The following NUCB2 variants were observed in gnomAD, a reference collection of about 807,000 sequenced individuals.
The protein encoded by NUCB2 is nucleobindin-2.
In NUCB2, 48 loss-of-function variants were observed where a neutral mutation model predicts 57.9. That is an observed-to-expected ratio of 0.83 (90% CI 0.66 to 1.05). The LOEUF (loss-of-function observed/expected upper bound fraction) is 1.05, where lower values mean the gene tolerates loss of function less well. Among genes scored for constraint, NUCB2 ranks in the 50% least tolerant of loss-of-function variants. The probability of loss-of-function intolerance (pLI) is 0.00; values close to 1 mark genes in which losing one functional copy is unlikely to be tolerated. For missense variants in NUCB2, 442 were observed against 476.2 expected (o/e 0.93, Z 0.67); for synonymous variants, 139 against 152.1 (o/e 0.91, Z 0.64).
chr11:17,348,332 T>G (rs11024261), intron 2 of NUCB2, among the ~76,000 whole-genome samples: 2,075 of 70,966 alleles, frequency 0.029, 13 homozygotes, highest in East Asian at 0.068. Context: ...TTTTTTTTTT[T>G]TTTTTTTTTT....
rs1199821850 is a variant in NUCB2 at position 17,330,028 on chromosome 11, A to T, written c.1003-99A>T. 5 of 607,288 alleles carry T rather than the reference A, an allele frequency of 8.2e-6. No homozygotes were observed. In the African/African-American group the frequency reaches 9.2e-5, roughly 11 times the overall value. 37.6% of individuals were successfully genotyped at this position (607,288 alleles called of 1,614,324 possible). ...TACCTCCAAAGGCGTAATCCTATAG[A>T]TACTCTTTTATACTTTGCTAACCAT... On this transcript the variant is annotated intron_variant, in intron 11 of 13. Transcript: ENST00000529010. This position sits in a 1 kb window ranked among gnomAD's most constrained non-coding sequence, Gnocchi z 4.3.
chr11:17,346,204 T>C (rs1445307667), intron 2 of NUCB2, among the ~76,000 whole-genome samples: 1 of 152,186 alleles, frequency 6.6e-6, no homozygotes, highest in Non-Finnish European at 1.5e-5. Context: ...GGCTAGTAAG[T>C]GGTTATCCAC....
chr11:17,304,197 A>ATTTT (rs111938370), intron 5 of NUCB2, among the ~76,000 whole-genome samples: 1 of 146,188 alleles, frequency 6.8e-6, no homozygotes, highest in African/African-American at 2.5e-5. Context: ...TTTAATTTTA[A>ATTTT]TTTTTTTTTT....
intron 5 of NUCB2, among the ~76,000 whole-genome samples, chr11:17,303,618 C>T (rs1199240613): frequency 1.3e-5 from 2 of 152,216 alleles, no homozygotes; most frequent in Non-Finnish European, 2.9e-5. Context: ...GGCATGATGG[C>T]TCACGCCTGT....
At chr11:17,292,954 C>T (rs1240724936) in intron 2 of NUCB2, among the ~76,000 whole-genome samples, 1 of 152,110 alleles carries the variant, frequency 6.6e-6, no homozygotes, top group Non-Finnish European at 1.5e-5. Context: ...GACTTTGTCA[C>T]TTCAAGATGT....
At chr11:17,337,498 A>G (rs1951913477) in exon 2 of NUCB2, 1 of 152,186 alleles carries the variant, frequency 6.6e-6, no homozygotes, top group African/African-American at 2.4e-5. Context: ...TAATACTTTT[A>G]AAATTCATTT....
chr11:17,305,673 G>A (rs1947510427), intron 5 of NUCB2, among the ~76,000 whole-genome samples: 1 of 151,888 alleles, frequency 6.6e-6, no homozygotes, highest in Non-Finnish European at 1.5e-5. Context: ...CCAGGTTGGA[G>A]TACAGTGATG....
chr11:17,302,738 ATTT>A (rs374768656), intron 5 of NUCB2, among the ~76,000 whole-genome samples: 1 of 137,524 alleles, frequency 7.3e-6, no homozygotes. Flanking sequence ...TGCCCTGCTA[ATTT>A]TTTTTTTTTT....
chr11:17,339,002 T>C (rs1165989758), intron 2 of NUCB2, among the ~76,000 whole-genome samples: 1 of 150,824 alleles, frequency 6.6e-6, no homozygotes, highest in Non-Finnish European at 1.5e-5. Context: ...ATTTATTTAT[T>C]TTTGAGATGG....
intron 10 of NUCB2, among the ~76,000 whole-genome samples, chr11:17,314,711 A>C (rs1197738442): frequency 2.0e-5 from 3 of 152,210 alleles, no homozygotes; most frequent in Non-Finnish European, 4.4e-5. Context: ...CATCATATGC[A>C]GGGTAACTGA....
intron 2 of NUCB2, among the ~76,000 whole-genome samples, chr11:17,287,118 A>G (rs141447263): frequency 6.6e-6 from 1 of 152,232 alleles, no homozygotes; most frequent in African/African-American, 2.4e-5. Context: ...TAGGATAAAT[A>G]GAAAGCCCTA....
rs74495327 is a variant in NUCB2 at position 17,284,911 on chromosome 11, T to A, written c.-1+1968T>A. 9.9e-3 allele frequency among the ~76,000 whole-genome samples: 1,507 copies of A among 152,258 alleles called. 27 individuals carry two copies. Among genetic ancestry groups the A allele is most frequent in the African/African-American group, 0.034 (1,421 of 41,576 alleles). On this transcript the variant is annotated intron_variant, in intron 2 of 13. Coordinates refer to ENST00000529010, the MANE Select transcript of NUCB2 (RefSeq NM_005013.4). ...TGAAGCCCTGTGAGGGTAAGGACTA[T>A]GTCGATCTCGCTTACCTTTGTCTTC...
chr11:17,288,665 C>T (rs1944256523), intron 2 of NUCB2, among the ~76,000 whole-genome samples: 1 of 149,128 alleles, frequency 6.7e-6, no homozygotes, highest in Non-Finnish European at 1.5e-5. Flanking sequence ...AGCCATTCTC[C>T]TGCCTCAGCC....
At position 17,330,003 on chromosome 11, in the gene NUCB2, T is replaced by C; in HGVS notation, c.1003-124T>C. ...ATATTACTTATTTCCCCTTCCTTCT[T>C]ACCTCCAAAGGCGTAATCCTATAGA... On this transcript the variant is annotated intron_variant, in intron 11 of 13. Transcript: ENST00000529010. This position sits in a 1 kb window ranked among gnomAD's most constrained non-coding sequence, Gnocchi z 4.3. The C allele has an allele frequency of 2.1e-6, 1 of 471,560 alleles. No individual in the cohort carries two copies. Among genetic ancestry groups the C allele is most frequent in the Non-Finnish European group, 3.7e-6 (1 of 268,552 alleles). 29.2% of individuals were successfully genotyped at this position (471,560 alleles called of 1,614,324 possible). A position where few individuals can be genotyped will look rare whatever the true frequency, so the allele number is the denominator to read the frequency against.
At chr11:17,285,240 A>T (rs1943455594) in intron 2 of NUCB2, among the ~76,000 whole-genome samples, 1 of 152,052 alleles carries the variant, frequency 6.6e-6, no homozygotes, top group Non-Finnish European at 1.5e-5. Flanking sequence ...ATCCTGGCTA[A>T]CATGGTGAAA....
chr11:17,321,570 C>T (rs896224868), intron 11 of NUCB2, among the ~76,000 whole-genome samples: 1 of 152,154 alleles, frequency 6.6e-6, no homozygotes, highest in Non-Finnish European at 1.5e-5. Context: ...CATGGAAACA[C>T]AGATATCTCT....
At chr11:17,334,223 AG>A (rs1951627452), downstream of NUCB2, 2 of 152,242 alleles carry the variant, frequency 1.3e-5, no homozygotes, top group Non-Finnish European at 2.9e-5. Context: ...GAGTATATAT[AG>A]GTCACAGAAT....
intron 2 of NUCB2, among the ~76,000 whole-genome samples, chr11:17,284,008 C>G (rs1422567723): frequency 6.6e-6 from 1 of 151,940 alleles, no homozygotes; most frequent in African/African-American, 2.4e-5. Flanking sequence ...TTAGCCACAC[C>G]AATATTTTAT....
intron 5 of NUCB2, among the ~76,000 whole-genome samples, chr11:17,307,885 A>G (rs1291590615): frequency 2.0e-5 from 3 of 152,214 alleles, no homozygotes; most frequent in Non-Finnish European, 4.4e-5. Context: ...CCCGCCAGCA[A>G]TAATTCCTCA....
Sources: allele counts gnomAD v4.1 joint callset (sites outside exome capture counted in the v4.1 genomes callset), GRCh38; gene constraint gnomAD v4.1.1; non-coding constraint Gnocchi (gnomAD v3.1); transcripts MANE v1.5; gene names NCBI Gene and HGNC (gene_info 2026-07-23, HGNC 2026-07-21).